Variants in DCAF6 observed in about 807,000 individuals in gnomAD.
The protein encoded by DCAF6 is DDB1 and CUL4 associated factor 6.
DCAF6 carries 54 observed loss-of-function variants against 125.1 expected under a neutral mutation model. The ratio of observed to expected loss-of-function variants is 0.43; its 90% CI spans 0.35 to 0.54. The LOEUF is 0.54. Among genes scored for constraint, DCAF6 ranks in the 20% least tolerant of loss-of-function variants. DCAF6 has a pLI of 0.01. For missense variants in DCAF6, 934 were observed against 1,161.7 expected (o/e 0.80, Z 2.85); for synonymous variants, 371 against 390.4 (o/e 0.95, Z 0.58).
At chr1:167,963,472 A>T (rs1571692532) in intron 2 of DCAF6, among the ~76,000 whole-genome samples, 1 of 136,376 alleles carries the variant, frequency 7.3e-6, no homozygotes, top group African/African-American at 2.8e-5. Flanking sequence ...ATGGAGTCTC[A>T]CTCTGCCACC....
intron 10 of DCAF6, among the ~76,000 whole-genome samples, chr1:168,005,514 A>G (rs982722897): frequency 6.6e-6 from 1 of 152,144 alleles, no homozygotes; most frequent in African/African-American, 2.4e-5. Flanking sequence ...TTTAAACTAT[A>G]TACATGTAAT....
intron 21 of DCAF6, among the ~76,000 whole-genome samples, chr1:168,074,827 A>G (rs1052936756): frequency 4.6e-5 from 7 of 152,196 alleles, no homozygotes; most frequent in Non-Finnish European, 8.8e-5. Context: ...TTGAACGAGC[A>G]TACTGTACTC....
chr1:167,965,845 GGCTGGTCTC>G (rs1676334341), intron 2 of DCAF6, among the ~76,000 whole-genome samples: 1 of 152,256 alleles, frequency 6.6e-6, no homozygotes, highest in Admixed American at 6.5e-5. Flanking sequence ...ATATTGGTCA[GGCTGGTCTC>G]GAACCTCTGA....
intron 3 of DCAF6, among the ~76,000 whole-genome samples, chr1:167,969,756 G>A (rs940417275): frequency 2.6e-5 from 4 of 152,092 alleles, no homozygotes; most frequent in Admixed American, 6.5e-5. Flanking sequence ...GTAATTACAA[G>A]GGTAACACTT....
At chr1:167,925,440 CACATAT>C in the DCAF6 span, among the ~76,000 whole-genome samples, 4 of 49,660 alleles carry the variant, frequency 8.1e-5, no homozygotes, top group Admixed American at 9.6e-4. Context: ...TATACATATA[CACATAT>C]ATATATATAT....
chr1:168,006,227 C>G (rs1458487353), intron 10 of DCAF6, among the ~76,000 whole-genome samples: 4 of 151,954 alleles, frequency 2.6e-5, no homozygotes, highest in African/African-American at 9.7e-5. Flanking sequence ...TTGCTAAATT[C>G]CTTTCAATAT....
the DCAF6 span, among the ~76,000 whole-genome samples, chr1:167,876,765 G>A: frequency 6.6e-6 from 1 of 152,326 alleles, no homozygotes. Context: ...TAACTTGGCA[G>A]AGTCCTCTCA....
the DCAF6 span, among the ~76,000 whole-genome samples, chr1:167,904,432 T>C: frequency 6.6e-6 from 1 of 152,168 alleles, no homozygotes; most frequent in Non-Finnish European, 1.5e-5. Flanking sequence ...AGGATCTTTG[T>C]GGCTGGTCAA....
At chr1:167,980,668 A>G (rs1017593235) in intron 4 of DCAF6, among the ~76,000 whole-genome samples, 4 of 152,090 alleles carry the variant, frequency 2.6e-5, no homozygotes, top group African/African-American at 4.8e-5. Context: ...TGTTGTTAAC[A>G]TAGGATTTCT....
intron 12 of DCAF6, among the ~76,000 whole-genome samples, chr1:168,031,368 G>C (rs1028194305): frequency 2.0e-5 from 3 of 152,188 alleles, no homozygotes; most frequent in Admixed American, 2.0e-4. Context: ...TCAAATACGA[G>C]AGTGTTGTCT....
chr1:167,961,004 T>C (rs1675504627), intron 2 of DCAF6, among the ~76,000 whole-genome samples: 1 of 152,240 alleles, frequency 6.6e-6, no homozygotes, highest in Admixed American at 6.5e-5. Context: ...TATTTAATTC[T>C]TTGATTTCTT....
intron 16 of DCAF6, among the ~76,000 whole-genome samples, chr1:168,048,773 C>T (rs1484229004): frequency 6.6e-6 from 1 of 152,114 alleles, no homozygotes; most frequent in East Asian, 1.9e-4. Flanking sequence ...AAAATGGAGA[C>T]CATTATGGTA....
intron 2 of DCAF6, among the ~76,000 whole-genome samples, chr1:167,956,636 G>T (rs912394831): frequency 3.9e-5 from 6 of 152,048 alleles, no homozygotes; most frequent in African/African-American, 1.4e-4. Context: ...GTAATTTTTT[G>T]AGTGGAAGCT....
chr1:167,959,915 C>G (rs1015171203), intron 2 of DCAF6, among the ~76,000 whole-genome samples: 1 of 152,024 alleles, frequency 6.6e-6, no homozygotes, highest in African/African-American at 2.4e-5. Flanking sequence ...TGGTATTGTA[C>G]TTAATAAATT....
upstream of DCAF6, among the ~76,000 whole-genome samples, chr1:167,932,692 C>T (rs1440082034): frequency 2.0e-5 from 3 of 151,582 alleles, no homozygotes; most frequent in African/African-American, 7.3e-5. Context: ...GCCTGTAATC[C>T]CAGCTACTCA....
the DCAF6 span, chr1:167,920,096 G>A: frequency 1.9e-6 from 3 of 1,560,218 alleles, no homozygotes; most frequent in South Asian, 3.4e-5. Flanking sequence ...AAACCCTGTT[G>A]AAACAAAATG....
chr1:167,893,985 G>A, the DCAF6 span: 2 of 1,412,116 alleles, frequency 1.4e-6, no homozygotes, highest in Non-Finnish European at 1.0e-6. Flanking sequence ...AGGGAAGTTT[G>A]GCTCTGCAGT....
chr1:168,056,168 A>G, intron 17 of DCAF6: 4 of 1,602,140 alleles, frequency 2.5e-6, no homozygotes, highest in Non-Finnish European at 3.4e-6. Flanking sequence ...CAGGGAGACT[A>G]CAATAAACAA....
intron 2 of DCAF6, among the ~76,000 whole-genome samples, chr1:167,961,927 A>T (rs1022292598): frequency 2.6e-5 from 4 of 152,200 alleles, no homozygotes; most frequent in Non-Finnish European, 5.9e-5. Context: ...TGAATTCAGA[A>T]TCTTTTAAAA....
Sources: gnomAD v4.1 joint callset for allele counts (sites outside exome capture counted in the v4.1 genomes callset) on GRCh38, gnomAD v4.1.1 for gene constraint, MANE v1.5 for transcripts, NCBI Gene and HGNC (gene_info 2026-07-23, HGNC 2026-07-21) for gene names.